Variants in RPH3AL observed in about 807,000 individuals in gnomAD.
The protein encoded by RPH3AL is rabphilin 3A like (without C2 domains), also known as rab effector Noc2.
Under a neutral mutation model 43.1 loss-of-function variants are expected in RPH3AL, and 38 were observed. That is an observed-to-expected ratio of 0.88 (90% CI 0.68 to 1.15). The LOEUF is 1.15. Among genes scored for constraint, RPH3AL ranks in the 50% most tolerant of loss-of-function variants. The pLI is 0.00. For missense variants in RPH3AL, 462 were observed against 423.2 expected (o/e 1.09, Z -0.81); for synonymous variants, 189 against 176.3 (o/e 1.07, Z -0.57).
At chr17:240,709 G>C (rs2041508448) in intron 7 of RPH3AL, among the ~76,000 whole-genome samples, 2 of 152,148 alleles carry the variant, frequency 1.3e-5, no homozygotes, top group African/African-American at 2.4e-5. Context: ...CGTATGAGTT[G>C]TTGCCACTTT....
chr17:265,109 C>T (rs1555547552), intron 6 of RPH3AL, among the ~76,000 whole-genome samples: 1 of 152,148 alleles, frequency 6.6e-6, no homozygotes, highest in Non-Finnish European at 1.5e-5. Context: ...TTCTTTGAGA[C>T]AGGGCCTTGC....
At chr17:306,248 C>T (rs1050422095) in intron 5 of RPH3AL, among the ~76,000 whole-genome samples, 3 of 152,100 alleles carry the variant, frequency 2.0e-5, no homozygotes, top group East Asian at 1.9e-4. Flanking sequence ...CCAGCTCCAC[C>T]GCCAACATGC....
intron 5 of RPH3AL, among the ~76,000 whole-genome samples, chr17:309,194 C>A (rs1330535187): frequency 1.3e-5 from 2 of 152,136 alleles, no homozygotes; most frequent in Admixed American, 1.3e-4. Flanking sequence ...CCTAGGGAGG[C>A]CGAGGTGGGA....
At chr17:316,893 G>T (rs1182003193) in intron 5 of RPH3AL, among the ~76,000 whole-genome samples, 2 of 132,670 alleles carry the variant, frequency 1.5e-5, no homozygotes, top group Admixed American at 1.6e-4. Context: ...TTGACCTGTA[G>T]TCCCTGTGCT....
At chr17:241,349 T>C (rs780802633) in intron 7 of RPH3AL, among the ~76,000 whole-genome samples, 1 of 152,150 alleles carries the variant, frequency 6.6e-6, no homozygotes, top group South Asian at 2.1e-4. Context: ...CGAGCCATGA[T>C]TGTGCCACGG....
At chr17:304,708 C>T (rs937993827) in intron 5 of RPH3AL, among the ~76,000 whole-genome samples, 19 of 152,228 alleles carry the variant, frequency 1.2e-4, no homozygotes, top group South Asian at 1.0e-3. Context: ...CCTTGAGGGA[C>T]GCCGAGATTC....
rs2041774632 is a variant in RPH3AL at position 246,765 on chromosome 17, T to G, written c.613+346A>C. Reference sequence around the variant, plus strand: ...ATGGTGAGGGCCTGCCTGGGAAAGATGTAGGTTTTATACTTTGCAAAATAC... The same window carrying G: ...ATGGTGAGGGCCTGCCTGGGAAAGAGGTAGGTTTTATACTTTGCAAAATAC... On this transcript the variant is annotated intron_variant, in intron 7 of 9. Transcript: ENST00000331302. The surrounding 1 kb of genome is among the most constrained non-coding windows in gnomAD (Gnocchi z 4.8). Among the ~76,000 whole-genome samples, 2 of 152,118 alleles carry G rather than the reference T, an allele frequency of 1.3e-5. No individual in the cohort carries two copies. The highest frequency in any genetic ancestry group is 4.8e-5 in the African/African-American group (2 of 41,416).
At chr17:242,676 C>A (rs200516036) in intron 7 of RPH3AL, among the ~76,000 whole-genome samples, 2 of 47,676 alleles carry the variant, frequency 4.2e-5, no homozygotes, top group Admixed American at 4.3e-4. Context: ...CCTCTATTGA[C>A]TACCTTCCTC....
intron 7 of RPH3AL, among the ~76,000 whole-genome samples, chr17:224,509 T>C (rs1444723444): frequency 6.6e-6 from 1 of 152,230 alleles, no homozygotes. Flanking sequence ...TGCCCTGTGC[T>C]CTCTGCTACA....
intron 7 of RPH3AL, among the ~76,000 whole-genome samples, chr17:239,898 G>A (rs1340791054): frequency 1.3e-5 from 2 of 152,074 alleles, no homozygotes; most frequent in African/African-American, 4.8e-5. Context: ...CAAAATGCTG[G>A]GATTACAGGC....
intron 6 of RPH3AL, among the ~76,000 whole-genome samples, chr17:281,002 C>T (rs141752299): frequency 6.6e-6 from 1 of 152,292 alleles, no homozygotes; most frequent in Non-Finnish European, 1.5e-5. Flanking sequence ...CATTCTGTCC[C>T]AGCCCTGCCT....
chr17:304,516 T>A (rs2043413493), intron 5 of RPH3AL, among the ~76,000 whole-genome samples: 2 of 152,156 alleles, frequency 1.3e-5, no homozygotes. Context: ...GCACTGAGGC[T>A]GGTACCCCAG....
At chr17:304,822 T>C (rs2151642992) in intron 5 of RPH3AL, among the ~76,000 whole-genome samples, 1 of 150,806 alleles carries the variant, frequency 6.6e-6, no homozygotes. Flanking sequence ...TTAAACCATT[T>C]TTAAATGATT....
Position 333,399 on chromosome 17 carries a change from C to T in RPH3AL, c.-37+360G>A. ...TTAATGTAGCACCTTCCAACTTTTC[C>T]TGGGCATTTATGTACAAATTGTAAT... On this transcript the variant is annotated intron_variant, in intron 2 of 9. Transcript: ENST00000331302. This position sits in a 1 kb window ranked among gnomAD's most constrained non-coding sequence, Gnocchi z 4.5. 3 of 842,230 alleles carry T rather than the reference C, an allele frequency of 3.6e-6. No homozygotes were observed. Among genetic ancestry groups the T allele is most frequent in the African/African-American group, 1.8e-5 (1 of 56,722 alleles). The allele number at this position is 842,230 out of a possible 1,614,324, so 52.2% of individuals were successfully genotyped here. A position where few individuals can be genotyped will look rare whatever the true frequency, so the allele number is the denominator to read the frequency against.
In RPH3AL at chr17:304,645, G is replaced by A. The variant is rs954561714; in HGVS notation, c.351+14775C>T. Among the ~76,000 whole-genome samples the A allele has an allele frequency of 3.1e-4, 47 of 152,092 alleles. 2 individuals are homozygous for A. The highest frequency in any genetic ancestry group is 2.1e-3 in the Admixed American group (32 of 15,284). On this transcript the variant is annotated intron_variant, in intron 5 of 9. Coordinates refer to ENST00000331302, the MANE Select transcript of RPH3AL (RefSeq NM_006987.4). Reference sequence around the variant, plus strand: ...GATTCCACCCGGCCAGGGCAGGCCCGAACCAGCCGGAGGCCACAGGAGAAC... The same window carrying A: ...GATTCCACCCGGCCAGGGCAGGCCCAAACCAGCCGGAGGCCACAGGAGAAC...
intron 7 of RPH3AL, among the ~76,000 whole-genome samples, chr17:233,589 G>A (rs1160879373): frequency 3.9e-5 from 6 of 152,174 alleles, no homozygotes; most frequent in Non-Finnish European, 7.3e-5. Context: ...CCACTGGCCA[G>A]GTGCAAAGGT....
chr17:286,630 C>T (rs903114618), intron 5 of RPH3AL, among the ~76,000 whole-genome samples: 6 of 152,310 alleles, frequency 3.9e-5, no homozygotes, highest in African/African-American at 9.6e-5. Context: ...AAAACCCATG[C>T]GACAGCGAGC....
chr17:315,603 C>G (rs1555520031), intron 5 of RPH3AL, among the ~76,000 whole-genome samples: 2 of 151,120 alleles, frequency 1.3e-5, no homozygotes, highest in African/African-American at 2.4e-5. Context: ...GCTCCACCTC[C>G]ACTGAACTCT....
At chr17:317,911 A>T (rs1047570302) in intron 5 of RPH3AL, among the ~76,000 whole-genome samples, 5 of 72,512 alleles carry the variant, frequency 6.9e-5, no homozygotes, top group East Asian at 4.7e-4. Flanking sequence ...ACCCCACCCC[A>T]CCCCACCCCA....
Sources: allele counts gnomAD v4.1 joint callset (sites outside exome capture counted in the v4.1 genomes callset), GRCh38; gene constraint gnomAD v4.1.1; non-coding constraint Gnocchi (gnomAD v3.1); transcripts MANE v1.5; gene names NCBI Gene and HGNC (gene_info 2026-07-23, HGNC 2026-07-21).